The following TCAIM variants were observed in gnomAD, a reference collection of about 807,000 sequenced individuals.
TCAIM encodes the protein T cell activation inhibitor, mitochondrial, also known as T-cell activation inhibitor, mitochondrial.
Under a neutral mutation model 58.6 loss-of-function variants are expected in TCAIM, and 36 were observed. The observed-to-expected ratio is 0.61, with a 90% CI of 0.47 to 0.81. TCAIM has a LOEUF of 0.81. Among genes scored for constraint, TCAIM ranks in the 30% least tolerant of loss-of-function variants. The probability of loss-of-function intolerance (pLI) is 0.00; values close to 1 mark genes in which losing one functional copy is unlikely to be tolerated. For missense variants in TCAIM, 466 were observed against 579.6 expected, an observed-to-expected ratio of 0.80 and a Z score of 2.01; for synonymous variants, 172 against 193.6, an observed-to-expected ratio of 0.89 and a Z score of 0.93.
chr3:44,405,012 A>G (rs766093695), intron 10 of TCAIM, among the ~76,000 whole-genome samples: 24 of 152,094 alleles, frequency 1.6e-4, no homozygotes, highest in Non-Finnish European at 3.1e-4. Flanking sequence ...GCTAGTATGT[A>G]CAACCCACAT....
intron 5 of TCAIM, among the ~76,000 whole-genome samples, chr3:44,369,231 A>G (rs1701425946): frequency 1.3e-5 from 2 of 152,280 alleles, no homozygotes; most frequent in South Asian, 2.1e-4. Flanking sequence ...CGGCACATAC[A>G]ACTTCTGCTT....
At chr3:44,358,396 A>C in intron 3 of TCAIM, 1 of 631,168 alleles carries the variant, frequency 1.6e-6, no homozygotes, top group Non-Finnish European at 2.7e-6. Flanking sequence ...AAATACAGTC[A>C]GTCCTTCATA....
In TCAIM at chr3:44,400,606, A is replaced by T; in HGVS notation, c.1118+19A>T. On this transcript the variant is annotated intron_variant, in intron 9 of 10. Coordinates refer to ENST00000342649, the MANE Select transcript of TCAIM (RefSeq NM_173826.4). ...TTAACAGGTAAATATCTAAGATAGA[A>T]GGATTACTTTTATTCCTTCGTCTAG... 6.3e-7 allele frequency: 1 copy of T among 1,592,534 alleles called. No homozygotes were observed. Among genetic ancestry groups the T allele is most frequent in the South Asian group, 1.1e-5 (1 of 90,438 alleles).
intron 3 of TCAIM, among the ~76,000 whole-genome samples, chr3:44,360,912 T>C (rs1701285902): frequency 6.6e-6 from 1 of 152,218 alleles, no homozygotes; most frequent in African/African-American, 2.4e-5. Context: ...CCAGCCTTCT[T>C]GTGTTGCTTT....
chr3:44,392,274 G>T (rs1701850264), intron 5 of TCAIM, among the ~76,000 whole-genome samples: 1 of 152,168 alleles, frequency 6.6e-6, no homozygotes, highest in Non-Finnish European at 1.5e-5. Context: ...TGAAAACTCA[G>T]TTTAACAGTG....
At chr3:44,382,439 C>T (rs1701668845) in intron 5 of TCAIM, among the ~76,000 whole-genome samples, 1 of 152,140 alleles carries the variant, frequency 6.6e-6, no homozygotes, top group African/African-American at 2.4e-5. Context: ...GAGAATACAG[C>T]AGTAAATACT....
intron 2 of TCAIM, among the ~76,000 whole-genome samples, chr3:44,356,672 T>G (rs1181411898): frequency 1.3e-5 from 2 of 151,636 alleles, no homozygotes; most frequent in African/African-American, 4.8e-5. Flanking sequence ...AACTTAAGAA[T>G]GAGAATATCA....
At chr3:44,404,760 A>G (rs924169001) in intron 10 of TCAIM, among the ~76,000 whole-genome samples, 1 of 149,908 alleles carries the variant, frequency 6.7e-6, no homozygotes, top group Non-Finnish European at 1.5e-5. Context: ...AAGTGGAAAC[A>G]TAGTTTATTT....
intron 5 of TCAIM, among the ~76,000 whole-genome samples, chr3:44,382,402 A>G (rs1430727382): frequency 6.6e-6 from 1 of 152,206 alleles, no homozygotes; most frequent in African/African-American, 2.4e-5. Context: ...AGAAATACAC[A>G]AACATATAGA....
intron 5 of TCAIM, among the ~76,000 whole-genome samples, chr3:44,390,314 A>G (rs1163553775): frequency 6.6e-6 from 1 of 152,234 alleles, no homozygotes; most frequent in African/African-American, 2.4e-5. Context: ...CTTCAGCAGT[A>G]CATATACTAA....
chr3:44,374,362 T>TA (rs1346475085), intron 5 of TCAIM, among the ~76,000 whole-genome samples: 2 of 152,000 alleles, frequency 1.3e-5, no homozygotes, highest in African/African-American at 4.8e-5. Context: ...TTTCTCAAAA[T>TA]ACTTCGTTTA....
intron 5 of TCAIM, among the ~76,000 whole-genome samples, chr3:44,372,277 T>C (rs1701490788): frequency 6.6e-6 from 1 of 152,220 alleles, no homozygotes; most frequent in Middle Eastern, 3.2e-3. Flanking sequence ...CAAATAATTG[T>C]AAAACTGTTG....
rs182327876 is a variant in TCAIM at position 44,395,445 on chromosome 3, A to G, written c.696-955A>G. On this transcript the variant is annotated intron_variant, in intron 6 of 10. Transcript: ENST00000342649. The stretch of plus-strand genomic sequence containing the variant: ...CAGGAAACATCCTCACTTTGCAAGC[A>G]TGAAAGTGAAAACCTTAGGAAGGCT... Among the ~76,000 whole-genome samples, 340 of 152,276 alleles carry G rather than the reference A, an allele frequency of 2.2e-3. 4 individuals are homozygous for G. Among genetic ancestry groups the G allele is most frequent in the African/African-American group, 7.8e-3 (324 of 41,540 alleles).
chr3:44,404,419 C>T (rs956711977), intron 10 of TCAIM, among the ~76,000 whole-genome samples: 1 of 152,148 alleles, frequency 6.6e-6, no homozygotes, highest in African/African-American at 2.4e-5. Context: ...CAGGAAATAC[C>T]GATTGACCTT....
At chr3:44,377,740 G>T (rs940988152) in intron 5 of TCAIM, among the ~76,000 whole-genome samples, 1 of 152,138 alleles carries the variant, frequency 6.6e-6, no homozygotes, top group African/African-American at 2.4e-5. Flanking sequence ...TCACAAAATT[G>T]TGGAAATTAA....
At chr3:44,395,154 A>G (rs1423989335) in intron 6 of TCAIM, among the ~76,000 whole-genome samples, 1 of 151,516 alleles carries the variant, frequency 6.6e-6, no homozygotes, top group Non-Finnish European at 1.5e-5. Context: ...ACCATTTTTA[A>G]CAAAAACAGC....
intron 8 of TCAIM, among the ~76,000 whole-genome samples, chr3:44,398,805 C>T (rs1300505841): frequency 6.6e-6 from 1 of 152,132 alleles, no homozygotes; most frequent in Non-Finnish European, 1.5e-5. Flanking sequence ...GCTAAACAAA[C>T]TGGTACATCC....
At chr3:44,394,914 AAAAAAAAATATATATATATATATAT>A (rs1701902801) in intron 6 of TCAIM, among the ~76,000 whole-genome samples, 2 of 45,266 alleles carry the variant, frequency 4.4e-5, no homozygotes, top group African/African-American at 1.5e-4. Flanking sequence ...AAAAAAAAAA[AAAAAAAAATATATATATATATATAT>A]ATATATATAT....
chr3:44,399,540 C>T (rs1231151623), intron 8 of TCAIM, among the ~76,000 whole-genome samples: 1 of 152,192 alleles, frequency 6.6e-6, no homozygotes, highest in African/African-American at 2.4e-5. Flanking sequence ...CTACGTCCCC[C>T]TTCAGCCCTT....
Sources: gnomAD v4.1 joint callset for allele counts (sites outside exome capture counted in the v4.1 genomes callset) on GRCh38, gnomAD v4.1.1 for gene constraint, MANE v1.5 for transcripts, NCBI Gene and HGNC (gene_info 2026-07-23, HGNC 2026-07-21) for gene names.